The following CFAP299 variants were observed in gnomAD, a reference collection of about 807,000 sequenced individuals.
The protein encoded by CFAP299 is cilia and flagella associated protein 299, also known as cilia- and flagella-associated protein 299.
CFAP299 carries 21 observed loss-of-function variants against 27.0 expected under a neutral mutation model. The ratio of observed to expected loss-of-function variants is 0.78; its 90% CI spans 0.55 to 1.12. The LOEUF (loss-of-function observed/expected upper bound fraction) is 1.12, where lower values mean the gene tolerates loss of function less well. CFAP299 is among the 50% of genes most tolerant of loss of function. CFAP299 has a pLI of 0.00. For synonymous variants in CFAP299, 104 were observed against 98.1 expected, an observed-to-expected ratio of 1.06 and a Z score of -0.36; for missense variants, 310 against 276.6, an observed-to-expected ratio of 1.12 and a Z score of -0.86.
At chr4:80,497,007 C>G (rs1298215822) in intron 2 of CFAP299, among the ~76,000 whole-genome samples, 1 of 152,138 alleles carries the variant, frequency 6.6e-6, no homozygotes, top group Non-Finnish European at 1.5e-5. Flanking sequence ...TGGTGCTAAA[C>G]CATACATGAG....
intron 3 of CFAP299, among the ~76,000 whole-genome samples, chr4:80,806,160 T>G (rs964817170): frequency 6.6e-6 from 1 of 152,204 alleles, no homozygotes; most frequent in Non-Finnish European, 1.5e-5. Flanking sequence ...TGATTAAAAA[T>G]GGAGAATTAT....
At chr4:80,878,183 A>T (rs1260287600) in intron 4 of CFAP299, among the ~76,000 whole-genome samples, 2 of 152,144 alleles carry the variant, frequency 1.3e-5, no homozygotes, top group Non-Finnish European at 2.9e-5. Flanking sequence ...TTTTCTTTAA[A>T]AGAGCACCTC....
chr4:80,424,012 A>G (rs984509772), intron 2 of CFAP299, among the ~76,000 whole-genome samples: 2 of 152,190 alleles, frequency 1.3e-5, no homozygotes, highest in East Asian at 1.9e-4. Flanking sequence ...CTGTCCAAGA[A>G]CTTTAGAGAT....
intron 3 of CFAP299, among the ~76,000 whole-genome samples, chr4:80,659,260 A>C (rs1281394476): frequency 3.3e-5 from 5 of 152,090 alleles, no homozygotes; most frequent in Admixed American, 2.6e-4. Context: ...ACAAAATACA[A>C]AAGTGCAAAC....
intron 1 of CFAP299, among the ~76,000 whole-genome samples, chr4:80,346,705 A>C (rs1722747901): frequency 6.6e-6 from 1 of 152,130 alleles, no homozygotes; most frequent in African/African-American, 2.4e-5. Context: ...GTCAGGTAGC[A>C]TGATGCCTCC....
intron 2 of CFAP299, chr4:80,420,324 G>A (rs745374130): frequency 3.5e-5 from 15 of 423,494 alleles, no homozygotes; most frequent in Non-Finnish European, 7.2e-5. Context: ...CCCACAAAAG[G>A]CAAGTTTGCA....
chr4:80,845,089 G>T (rs1172445124), intron 3 of CFAP299, among the ~76,000 whole-genome samples: 1 of 152,096 alleles, frequency 6.6e-6, no homozygotes, highest in Admixed American at 6.6e-5. Context: ...ATTTCTGAGA[G>T]CTCTGTTCTA....
At chr4:80,905,198 T>C (rs944966314) in intron 4 of CFAP299, among the ~76,000 whole-genome samples, 18 of 152,342 alleles carry the variant, frequency 1.2e-4, no homozygotes, top group African/African-American at 4.3e-4. Context: ...TCTGCTGCAA[T>C]TAAAAATCTA....
chr4:80,394,796 A>T (rs967163745), intron 2 of CFAP299, among the ~76,000 whole-genome samples: 1 of 151,966 alleles, frequency 6.6e-6, no homozygotes, highest in Non-Finnish European at 1.5e-5. Flanking sequence ...GTCTGTTTTT[A>T]TGCTGGTACC....
chr4:80,481,658 G>A (rs774545743), intron 2 of CFAP299, among the ~76,000 whole-genome samples: 18 of 151,944 alleles, frequency 1.2e-4, no homozygotes, highest in Non-Finnish European at 2.4e-4. Context: ...AGGAAACCCC[G>A]CGTGACCCTG....
intron 3 of CFAP299, among the ~76,000 whole-genome samples, chr4:80,650,969 C>T (rs1293382426): frequency 6.6e-6 from 1 of 151,744 alleles, no homozygotes; most frequent in African/African-American, 2.4e-5. Flanking sequence ...AAAGAACTTA[C>T]TCAAGTAACC....
At chr4:80,839,238 A>G (rs750086126) in intron 3 of CFAP299, among the ~76,000 whole-genome samples, 16 of 152,124 alleles carry the variant, frequency 1.1e-4, no homozygotes, top group Non-Finnish European at 1.9e-4. Flanking sequence ...TTAACTGATG[A>G]GCAGTATCAC....
At chr4:80,607,401 A>G (rs1176346931) in intron 3 of CFAP299, among the ~76,000 whole-genome samples, 3 of 25,848 alleles carry the variant, frequency 1.2e-4, no homozygotes, top group Non-Finnish European at 2.2e-4. Context: ...AGCAAAAAGT[A>G]GAGGGTGGAG....
At chr4:80,845,982 C>G (rs1373787420) in intron 3 of CFAP299, among the ~76,000 whole-genome samples, 1 of 152,004 alleles carries the variant, frequency 6.6e-6, no homozygotes, top group Non-Finnish European at 1.5e-5. Context: ...TTTATCTTCT[C>G]TTTTCTATAG....
At chr4:80,526,190 A>G (rs1560608221) in intron 2 of CFAP299, among the ~76,000 whole-genome samples, 1 of 152,168 alleles carries the variant, frequency 6.6e-6, no homozygotes, top group Non-Finnish European at 1.5e-5. Flanking sequence ...CAAGGCTGCA[A>G]TGAAATACTC....
At chr4:80,884,416 G>C (rs1733869676) in intron 4 of CFAP299, among the ~76,000 whole-genome samples, 1 of 151,910 alleles carries the variant, frequency 6.6e-6, no homozygotes, top group South Asian at 2.1e-4. Flanking sequence ...AAAACCAACA[G>C]GTAAAAGAAT....
chr4:80,735,561 T>C (rs1475773333), intron 3 of CFAP299, among the ~76,000 whole-genome samples: 1 of 152,182 alleles, frequency 6.6e-6, no homozygotes, highest in African/African-American at 2.4e-5. Flanking sequence ...AATAAGATAC[T>C]AGCTGTGGGT....
chr4:80,844,879 T>C (rs1222339295), intron 3 of CFAP299, among the ~76,000 whole-genome samples: 1 of 152,242 alleles, frequency 6.6e-6, no homozygotes, highest in Non-Finnish European at 1.5e-5. Context: ...AGAGTTTTTA[T>C]GGTTTTAGGT....
chr4:80,382,738 G>A (rs1392452093), intron 2 of CFAP299, among the ~76,000 whole-genome samples: 1 of 152,180 alleles, frequency 6.6e-6, no homozygotes, highest in Non-Finnish European at 1.5e-5. Flanking sequence ...CTGCAAATTA[G>A]TTCAACCATT....
Sources: allele counts gnomAD v4.1 joint callset (sites outside exome capture counted in the v4.1 genomes callset), GRCh38; gene constraint gnomAD v4.1.1; transcripts MANE v1.5; gene names NCBI Gene and HGNC (gene_info 2026-07-23, HGNC 2026-07-21).